IL7: variants seen among roughly 807,000 people sequenced by gnomAD.
IL7 encodes interleukin 7.
IL7 carries 3 observed loss-of-function variants against 21.6 expected under a neutral mutation model. The ratio of observed to expected loss-of-function variants is 0.14; its 90% CI spans 0.06 to 0.36. IL7 has a LOEUF of 0.36. Among genes scored for constraint, IL7 ranks in the 10% least tolerant of loss-of-function variants. The pLI is 1.00. For synonymous variants in IL7, 62 were observed against 68.1 expected (o/e 0.91, Z 0.44); for missense variants, 175 against 200.2 (o/e 0.87, Z 0.76).
At chr8:78,750,698 C>A (rs1812138057) in intron 2 of IL7, among the ~76,000 whole-genome samples, 1 of 152,118 alleles carries the variant, frequency 6.6e-6, no homozygotes, top group Non-Finnish European at 1.5e-5. Flanking sequence ...GTGGCGGGCA[C>A]CTGTAGTCCC....
intron 1 of IL7, among the ~76,000 whole-genome samples, chr8:78,804,218 A>G (rs1814207010): frequency 6.6e-6 from 1 of 152,104 alleles, no homozygotes. Context: ...TGGAAGTTAG[A>G]GTCACGCCTA....
chr8:78,778,742 C>G (rs1183985150), intron 2 of IL7, among the ~76,000 whole-genome samples: 2 of 152,064 alleles, frequency 1.3e-5, no homozygotes, highest in African/African-American at 4.8e-5. Flanking sequence ...TTTCTGGGTC[C>G]ATATGAATTT....
intron 4 of IL7, among the ~76,000 whole-genome samples, chr8:78,683,633 TG>T (rs1209522179): frequency 6.6e-6 from 1 of 152,146 alleles, no homozygotes; most frequent in African/African-American, 2.4e-5. Context: ...TGAAGGTCTC[TG>T]ATGTGCCCTG....
intron 2 of IL7, among the ~76,000 whole-genome samples, chr8:78,775,708 A>G (rs1376324609): frequency 1.3e-5 from 2 of 152,004 alleles, no homozygotes; most frequent in Non-Finnish European, 2.9e-5. Context: ...GAATTTTCTC[A>G]TAAGCAAAAT....
chr8:78,693,577 T>G (rs1452644705), intron 3 of IL7, among the ~76,000 whole-genome samples: 2 of 151,904 alleles, frequency 1.3e-5, no homozygotes, highest in Non-Finnish European at 2.9e-5. Flanking sequence ...TTTGATGGGG[T>G]TGTTTGTTTT....
chr8:78,755,827 C>G (rs1296535217), intron 2 of IL7, among the ~76,000 whole-genome samples: 1 of 152,014 alleles, frequency 6.6e-6, no homozygotes, highest in East Asian at 1.9e-4. Flanking sequence ...TTATTTCTTT[C>G]TCTTGCCTAA....
Position 78,733,569 on chromosome 8 carries a change from A to G in IL7, c.*144T>C, listed in dbSNP as rs548185900. ...TTCATCTTCTAGTAATACAATATGC[A>G]TTTCTCAAATGCCCTAATCCGTTTT... On this transcript the variant is annotated 3_prime_UTR_variant, in exon 6 of 6. Coordinates refer to ENST00000263851, the MANE Select transcript of IL7 (RefSeq NM_000880.4). The G allele has an allele frequency of 2.7e-5, 20 of 748,728 alleles. No homozygotes were observed. In the South Asian group the frequency reaches 3.2e-4, roughly 12 times the overall value. 46.4% of individuals were successfully genotyped at this position (748,728 alleles called of 1,614,324 possible). A position where few individuals can be genotyped will look rare whatever the true frequency, so the allele number is the denominator to read the frequency against.
intron 2 of IL7, among the ~76,000 whole-genome samples, chr8:78,758,391 G>A (rs915279372): frequency 9.9e-5 from 15 of 152,084 alleles, no homozygotes; most frequent in African/African-American, 3.4e-4. Context: ...ATTTTCTGTA[G>A]TGACAAGCTT....
intron 2 of IL7, chr8:78,761,182 C>A (rs1812542986): frequency 6.3e-7 from 1 of 1,592,294 alleles, no homozygotes; most frequent in South Asian, 1.2e-5. Flanking sequence ...GTTCTTTACC[C>A]CTTTCTTTAC....
At chr8:78,685,244 A>G (rs973748337) in intron 4 of IL7, among the ~76,000 whole-genome samples, 1 of 78,562 alleles carries the variant, frequency 1.3e-5, no homozygotes, top group African/African-American at 3.4e-5. Context: ...GGATAGGACA[A>G]CTGCATAGCC....
chr8:78,736,344 C>T, intron 5 of IL7, 130 bp downstream of exon 5: 1 of 533,116 alleles, frequency 1.9e-6, no homozygotes, highest in East Asian at 3.3e-5. Flanking sequence ...CTCGCTTCTC[C>T]TTTTATCAAT....
chr8:78,697,212 A>G (rs567363017), intron 3 of IL7, among the ~76,000 whole-genome samples: 25 of 152,322 alleles, frequency 1.6e-4, no homozygotes, highest in African/African-American at 5.8e-4. Context: ...GTTTTTAAGA[A>G]TACAATTCAG....
intron 3 of IL7, among the ~76,000 whole-genome samples, chr8:78,687,829 G>C (rs1329699524): frequency 9.0e-6 from 1 of 110,824 alleles, no homozygotes; most frequent in Non-Finnish European, 1.8e-5. Flanking sequence ...ATATATTCAT[G>C]TAATAAATTA....
intron 2 of IL7, chr8:78,761,831 T>C (rs1426574253): frequency 1.7e-5 from 28 of 1,611,920 alleles, no homozygotes; most frequent in Middle Eastern, 2.2e-4. Flanking sequence ...CTGAAAGTTA[T>C]CTGGAGTAAA....
intron 3 of IL7, among the ~76,000 whole-genome samples, chr8:78,739,464 C>T (rs1306198966): frequency 6.6e-6 from 1 of 152,072 alleles, no homozygotes; most frequent in Non-Finnish European, 1.5e-5. Flanking sequence ...GAGGCGGAGG[C>T]AGGCGGATCA....
intron 2 of IL7, among the ~76,000 whole-genome samples, chr8:78,747,826 C>A (rs1221193348): frequency 1.3e-5 from 2 of 152,100 alleles, no homozygotes; most frequent in African/African-American, 2.4e-5. Flanking sequence ...CAATCAATTC[C>A]CAACTTGAGA....
intron 2 of IL7, among the ~76,000 whole-genome samples, chr8:78,769,722 G>A (rs1268544070): frequency 1.3e-5 from 2 of 152,000 alleles, no homozygotes; most frequent in African/African-American, 2.4e-5. Flanking sequence ...AGCCCACATC[G>A]CCAAGTCAAA....
intron 2 of IL7, among the ~76,000 whole-genome samples, chr8:78,742,490 C>T (rs925617484): frequency 2.3e-4 from 35 of 151,956 alleles, no homozygotes; most frequent in African/African-American, 7.5e-4. Context: ...ATGACATTGG[C>T]TAAGTTCTTT....
chr8:78,761,704 G>T (rs1812564237), intron 2 of IL7: 2 of 1,611,772 alleles, frequency 1.2e-6, no homozygotes, highest in Non-Finnish European at 1.7e-6. Flanking sequence ...AGCTCTCACA[G>T]ATCTCTAGCA....
Sources: gnomAD v4.1 joint callset for allele counts (sites outside exome capture counted in the v4.1 genomes callset) on GRCh38, gnomAD v4.1.1 for gene constraint, MANE v1.5 for transcripts, NCBI Gene and HGNC (gene_info 2026-07-23, HGNC 2026-07-21) for gene names.